The following MYL6 variants were observed in gnomAD, a reference collection of about 807,000 sequenced individuals.
MYL6 encodes the protein myosin light polypeptide 6.
A neutral mutation model predicts 20.3 loss-of-function variants in MYL6; 20 were observed. The ratio of observed to expected loss-of-function variants is 0.98; its 90% CI spans 0.69 to 1.43. The LOEUF is 1.43. MYL6 is among the 40% of genes most tolerant of loss of function. The pLI is 0.00. For missense variants in MYL6, 164 were observed against 191.0 expected (o/e 0.86, Z 0.83); for synonymous variants, 77 against 72.4 (o/e 1.06, Z -0.32).
At chr12:56,158,552 G>A (rs1335523015) in intron 1 of MYL6, 132 bp from the exon 2 acceptor site, 2 of 1,613,182 alleles carry the variant, frequency 1.2e-6, no homozygotes, top group Non-Finnish European at 1.7e-6. Context: ...CTGGGGCCCT[G>A]CGGGGAAGCG....
rs1362193532 is a variant in MYL6 at position 56,159,997 on chromosome 12, C to CT, written c.201dup (p.Glu68Ter). 14 of 1,613,450 alleles carry CT rather than the reference C, an allele frequency of 8.7e-6. No homozygotes were observed. Among genetic ancestry groups the CT allele is most frequent in the Non-Finnish European group, 1.1e-5 (13 of 1,179,686 alleles). ...CAGAGATGAATGTGAAGGTGCTGGA[C>CT]TTTGAGCACTTTCTGCCCATGCTGC... On this transcript the variant is annotated frameshift_variant, in exon 4 of 7. Coordinates refer to ENST00000550697, the MANE Select transcript of MYL6 (RefSeq NM_021019.5). LOFTEE classifies it high-confidence loss of function.
At position 56,160,667 on chromosome 12, in the gene MYL6, G is replaced by A; in HGVS notation, c.*13G>A. On this transcript the variant is annotated 3_prime_UTR_variant, in exon 6 of 7. Transcript: ENST00000550697. ...CCTGTCGGGGTGACGGGCCCATGGG[G>A]CGGGTACGGCTCCTCCCAGCCTCTC... is the stretch of plus-strand genomic sequence containing the variant. The A allele has an allele frequency of 6.2e-7, 1 of 1,614,130 alleles. No individual in the cohort carries two copies. The highest frequency in any genetic ancestry group is 8.5e-7 in the Non-Finnish European group (1 of 1,179,996).
chr12:56,158,802 C>T, intron 2 of MYL6, 91 bp downstream of exon 2: 1 of 1,583,374 alleles, frequency 6.3e-7, no homozygotes, highest in Non-Finnish European at 8.6e-7. Flanking sequence ...TCTGTCATCT[C>T]TTTAGCACCC....
In MYL6 at chr12:56,160,157, C is replaced by G. The variant is rs949984429; in HGVS notation, c.349+9C>G. 5.0e-6 allele frequency: 8 copies of G among 1,613,774 alleles called. No individual in the cohort carries two copies. Among genetic ancestry groups the G allele is most frequent in the Non-Finnish European group, 5.9e-6 (7 of 1,179,802 alleles). On this transcript the variant is annotated intron_variant, in intron 4 of 6. Transcript: ENST00000550697. ...TGTTCTTGTCACACTGGGTAAGGTT[C>G]TGTGTCCTTGTCCTTGAGCTGAGAT...
chr12:56,161,033 A>T, intron 6 of MYL6: 3 of 564,816 alleles, frequency 5.3e-6, no homozygotes, highest in Non-Finnish European at 9.6e-6. Flanking sequence ...GCTATAGCTG[A>T]ACAGTCCTTT....
At position 56,158,380 on chromosome 12, in the gene MYL6, C is replaced by T. The variant is rs1249363451; in HGVS notation, c.-22C>T. 3 of 1,519,208 alleles carry T rather than the reference C, an allele frequency of 2.0e-6. No homozygotes were observed. Among genetic ancestry groups the T allele is most frequent in the East Asian group, 2.3e-5 (1 of 44,060 alleles). The allele number at this position is 1,519,208 out of a possible 1,614,324, so 94.1% of individuals were successfully genotyped here. On this transcript the variant is annotated 5_prime_UTR_variant, in exon 1 of 7. Transcript: ENST00000550697. ...CGGAGCCATTACTGCAGGAAAAGGT[C>T]CCGGAGAGCTGAGCAGTCAAGATGG...
rs1379086961 is a variant in MYL6, at chr12:56,160,614, T to C, written c.428-12T>C. 3 of 1,614,166 alleles carry C rather than the reference T, an allele frequency of 1.9e-6. No homozygotes were observed. Among genetic ancestry groups the C allele is most frequent in the Non-Finnish European group, 8.5e-7 (1 of 1,180,012 alleles). ...TCTTGTCTTCACCATGAATGTCTCT[T>C]CCTTCCTGCAGCGTTTGTGAGGCAT... On this transcript the variant is annotated splice_polypyrimidine_tract_variant and intron_variant, in intron 5 of 6. Coordinates refer to ENST00000550697, the MANE Select transcript of MYL6 (RefSeq NM_021019.5).
At position 56,160,043 on chromosome 12, in the gene MYL6, G is replaced by GA; in HGVS notation, c.245dup (p.Asp82GlufsTer6). ...GCTGCAGACAGTGGCCAAGAACAAG[G>GA]ACCAGGGCACCTATGAGGATTATGT... On this transcript the variant is annotated frameshift_variant, in exon 4 of 7. Transcript: ENST00000550697. LOFTEE classifies it high-confidence loss of function. 1 of 1,614,180 alleles carries GA rather than the reference G, an allele frequency of 6.2e-7. No individual in the cohort carries two copies. Among genetic ancestry groups the GA allele is most frequent in the Non-Finnish European group, 8.5e-7 (1 of 1,180,046 alleles).
chr12:56,161,472 G>A lies in MYL6; in HGVS notation c.*102G>A. The A allele has an allele frequency of 1.9e-6, 3 of 1,595,382 alleles. No individual in the cohort carries two copies. Among genetic ancestry groups the A allele is most frequent in the African/African-American group, 2.7e-5 (2 of 74,604 alleles). The stretch of plus-strand genomic sequence containing the variant: ...TTTCCCTGTGTGAATTTTGTATCTA[G>A]CCTAAAGTTTCCCTAGGCTTTCTTG... On this transcript the variant is annotated 3_prime_UTR_variant, in exon 7 of 7. Coordinates refer to ENST00000550697, the MANE Select transcript of MYL6 (RefSeq NM_021019.5).
chr12:56,160,318 AAGGTAAG>A lies in MYL6; in HGVS notation c.427+3_427+9del. On this transcript the variant is annotated splice_donor_variant and splice_donor_5th_base_variant and coding_sequence_variant and intron_variant, in exon 5 of 7. Transcript: ENST00000550697. LOFTEE classifies it high-confidence loss of function. ...GACAGCAATGGTTGTATCAACTATG[AAGGTAAG>A]AGGTGAACTGCGCTTTCTCAGAGAA... The A allele has an allele frequency of 6.2e-7, 1 of 1,614,172 alleles. No individual in the cohort carries two copies. Among genetic ancestry groups the A allele is most frequent in the African/African-American group, 1.3e-5 (1 of 75,036 alleles).
At chr12:56,158,968 G>A (rs1384829707) in intron 2 of MYL6, 2 of 1,391,808 alleles carry the variant, frequency 1.4e-6, no homozygotes, top group African/African-American at 1.5e-5. Flanking sequence ...GTCACTTAAT[G>A]CCTGCTGTGT....
In MYL6 at chr12:56,160,175, G is replaced by A. The variant is rs757341539; in HGVS notation, c.349+27G>A. The A allele has an allele frequency of 5.0e-6, 8 of 1,613,696 alleles. No individual in the cohort carries two copies. In the African/African-American group the frequency reaches 1.1e-4, roughly 22 times the overall value. ...TAAGGTTCTGTGTCCTTGTCCTTGA[G>A]CTGAGATGGCACCCTGAGGTACCTC... On this transcript the variant is annotated intron_variant, in intron 4 of 6. Transcript: ENST00000550697.
rs144978004 is a variant in MYL6 at position 56,159,378 on chromosome 12, C to G, written c.32-209C>G. 1,629 of 586,304 alleles carry G rather than the reference C, an allele frequency of 2.8e-3. 13 individuals are homozygous for G. Among genetic ancestry groups the G allele is most frequent in the African/African-American group, 0.025 (1,319 of 53,004 alleles). 36.3% of individuals were successfully genotyped at this position (586,304 alleles called of 1,614,324 possible). A position where few individuals can be genotyped will look rare whatever the true frequency, so the allele number is the denominator to read the frequency against. On this transcript the variant is annotated intron_variant, in intron 2 of 6. Coordinates refer to ENST00000550697, the MANE Select transcript of MYL6 (RefSeq NM_021019.5). ...AGAGGGGTTGTGTAAATGGATGTTA[C>G]CAGGCTGCCAGAAGGGGAGGAAGCC...
chr12:56,159,682 C>G lies in MYL6; in HGVS notation c.127C>G (p.Pro43Ala), dbSNP rs1871594130. The G allele has an allele frequency of 6.2e-7, 1 of 1,614,126 alleles. No individual in the cohort carries two copies. The highest frequency in any genetic ancestry group is 8.5e-7 in the Non-Finnish European group (1 of 1,180,010). Residue 43 changes from proline to alanine, a missense_variant, in exon 3 of 7, where the codon CCT (proline) becomes GCT (alanine). Pro to Ala is a conservative substitution (Grantham distance 27, BLOSUM62 -1). Transcript: ENST00000550697. ...TGTGATGAGGGCCCTGGGCCAGAAC[C>G]CTACCAACGCCGAGGTGCTCAAGGT... Reference protein sequence around the residue: ...GDVMRALGQNPTNAEVLKVLG... With the variant: ...GDVMRALGQNATNAEVLKVLG...
chr12:56,158,407 G>A lies in MYL6; in HGVS notation c.3+3G>A, dbSNP rs747843241. On this transcript the variant is annotated splice_donor_region_variant and intron_variant, in intron 1 of 6. Coordinates refer to ENST00000550697, the MANE Select transcript of MYL6 (RefSeq NM_021019.5). ...CGGAGAGCTGAGCAGTCAAGATGGT[G>A]GGGCCCAGGTCTTGGGAGACGGGCA... 6.5e-7 allele frequency: 1 copy of A among 1,526,894 alleles called. No individual in the cohort carries two copies. Among genetic ancestry groups the A allele is most frequent in the Non-Finnish European group, 8.8e-7 (1 of 1,140,364 alleles). The allele number at this position is 1,526,894 out of a possible 1,614,324, so 94.6% of individuals were successfully genotyped here.
At chr12:56,158,576 A>G in intron 1 of MYL6, 108 bp from the exon 2 acceptor site, 1 of 1,613,308 alleles carries the variant, frequency 6.2e-7, no homozygotes, top group South Asian at 1.1e-5. Context: ...CTGCAGCCTG[A>G]AACAGGAGTT....
Position 56,158,678 on chromosome 12 carries a change from G to C in MYL6, c.4-6G>C, listed in dbSNP as rs1049563979. The C allele has an allele frequency of 1.2e-6, 2 of 1,614,106 alleles. No homozygotes were observed. The highest frequency in any genetic ancestry group is 1.7e-6 in the Non-Finnish European group (2 of 1,180,028). On this transcript the variant is annotated splice_polypyrimidine_tract_variant and splice_region_variant and intron_variant, in intron 1 of 6. Coordinates refer to ENST00000550697, the MANE Select transcript of MYL6 (RefSeq NM_021019.5). ...GATGCTGACCACTTCCCTCTTCTCTGAGCAGTGTGACTTCACCGAAGACCA... is the reference window on the plus strand; with the variant it reads ...GATGCTGACCACTTCCCTCTTCTCTCAGCAGTGTGACTTCACCGAAGACCA...
In MYL6 at chr12:56,160,332, A is replaced by G. The variant is rs756121498; in HGVS notation, c.427+12A>G. On this transcript the variant is annotated intron_variant, in intron 5 of 6. Transcript: ENST00000550697. ...TATCAACTATGAAGGTAAGAGGTGA[A>G]CTGCGCTTTCTCAGAGAAAGCAGCC... The G allele has an allele frequency of 1.2e-5, 19 of 1,614,030 alleles. No individual in the cohort carries two copies. Among genetic ancestry groups the G allele is most frequent in the Non-Finnish European group, 1.6e-5 (19 of 1,180,022 alleles).
At position 56,161,543 on chromosome 12, in the gene MYL6, T is replaced by C. The variant is rs928214854; in HGVS notation, c.*173T>C. Reference sequence around the variant, plus strand: ...TGTCTCTCTTGGATGATGTTTGCCGTCAGCATTCACCAAATAAACTTGCTC... The same window carrying C: ...TGTCTCTCTTGGATGATGTTTGCCGCCAGCATTCACCAAATAAACTTGCTC... On this transcript the variant is annotated 3_prime_UTR_variant, in exon 7 of 7. Transcript: ENST00000550697. 4.2e-6 allele frequency: 5 copies of C among 1,202,192 alleles called. No homozygotes were observed. The African/African-American group carries it at 7.5e-5, about 18-fold the overall frequency. The allele number at this position is 1,202,192 out of a possible 1,614,324, so 74.5% of individuals were successfully genotyped here. A position where few individuals can be genotyped will look rare whatever the true frequency, so the allele number is the denominator to read the frequency against.
Sources: allele counts gnomAD v4.1 joint callset, GRCh38; gene constraint gnomAD v4.1.1; transcripts MANE v1.5; gene names NCBI Gene and HGNC (gene_info 2026-07-23, HGNC 2026-07-21).